GABRA5: variants seen among roughly 807,000 people sequenced by gnomAD.
GABRA5 encodes gamma-aminobutyric acid type A receptor subunit alpha5.
In GABRA5, 18 loss-of-function variants were observed where a neutral mutation model predicts 47.3. That is an observed-to-expected ratio of 0.38 (90% CI 0.26 to 0.56). The LOEUF is 0.56. Among genes scored for constraint, GABRA5 ranks in the 20% least tolerant of loss-of-function variants. The probability of loss-of-function intolerance (pLI) is 0.71; values close to 1 mark genes in which losing one functional copy is unlikely to be tolerated. For synonymous variants in GABRA5, 237 were observed against 229.3 expected (o/e 1.03, Z -0.30); for missense variants, 365 against 599.3 (o/e 0.61, Z 4.08).
intron 3 of GABRA5, among the ~76,000 whole-genome samples, chr15:26,875,653 G>C (rs1566862996): frequency 6.6e-6 from 1 of 152,122 alleles, no homozygotes; most frequent in Non-Finnish European, 1.5e-5. Flanking sequence ...CATGCTTGAT[G>C]TGTTAGGAAC....
chr15:26,920,162 T>C (rs1893810323), intron 7 of GABRA5, among the ~76,000 whole-genome samples: 1 of 152,176 alleles, frequency 6.6e-6, no homozygotes, highest in Non-Finnish European at 1.5e-5. Flanking sequence ...TTTCAGCCAT[T>C]ATTTCTTTAA....
rs1414570315 is a variant in GABRA5 at position 26,895,825 on chromosome 15, A to AG, written c.497+12268_497+12269insG. ...GCAAGACTCCGTCAAAAAAAAAAAAAAAAGAAGAAGAAGAAGAAGAAAAAG... is the reference window on the plus strand; with the variant it reads ...GCAAGACTCCGTCAAAAAAAAAAAAAGAAAGAAGAAGAAGAAGAAGAAAAAG... On this transcript the variant is annotated intron_variant, in intron 6 of 10. Coordinates refer to ENST00000335625, the MANE Select transcript of GABRA5 (RefSeq NM_000810.4). Among the ~76,000 whole-genome samples the AG allele has an allele frequency of 2.3e-3, 305 of 132,492 alleles. 1 individual carries two copies. The highest frequency in any genetic ancestry group is 8.5e-3 in the Middle Eastern group (2 of 236). The allele number at this position is 132,492 out of a possible 152,430, so 86.9% of individuals were successfully genotyped here. A position where few individuals can be genotyped will look rare whatever the true frequency, so the allele number is the denominator to read the frequency against.
At chr15:26,944,960 G>A (rs796107865) in intron 10 of GABRA5, among the ~76,000 whole-genome samples, 7 of 152,270 alleles carry the variant, frequency 4.6e-5, no homozygotes, top group Admixed American at 2.0e-4. Flanking sequence ...GGGTGTCGCC[G>A]ACACTGTCAA....
chr15:26,899,672 C>T (rs1385676510), intron 6 of GABRA5, among the ~76,000 whole-genome samples: 1 of 152,142 alleles, frequency 6.6e-6, no homozygotes, highest in African/African-American at 2.4e-5. Context: ...CACTTATTAT[C>T]ATGTAATATC....
intron 6 of GABRA5, among the ~76,000 whole-genome samples, chr15:26,891,499 C>A (rs1386722848): frequency 6.6e-6 from 1 of 152,114 alleles, no homozygotes; most frequent in Non-Finnish European, 1.5e-5. Context: ...TAGCTATGCG[C>A]GCTATTCAGC....
chr15:26,871,044 A>G (rs1187231119), intron 3 of GABRA5, among the ~76,000 whole-genome samples: 3 of 152,142 alleles, frequency 2.0e-5, no homozygotes, highest in African/African-American at 7.2e-5. Context: ...AAATACAAAG[A>G]TTAGCCAGGC....
chr15:26,919,953 G>C (rs1893804242), intron 7 of GABRA5, among the ~76,000 whole-genome samples: 2 of 132,868 alleles, frequency 1.5e-5, no homozygotes, highest in Non-Finnish European at 3.4e-5. Context: ...CAAGATTTCT[G>C]ATAAAAAAAA....
At chr15:26,892,036 C>A (rs929410763) in intron 6 of GABRA5, among the ~76,000 whole-genome samples, 5 of 152,170 alleles carry the variant, frequency 3.3e-5, no homozygotes, top group Non-Finnish European at 5.9e-5. Context: ...GAGGCAGATG[C>A]GATTAGGATT....
chr15:26,877,894 A>T (rs1892636134), intron 3 of GABRA5, among the ~76,000 whole-genome samples: 1 of 152,240 alleles, frequency 6.6e-6, no homozygotes, highest in Non-Finnish European at 1.5e-5. Flanking sequence ...AGTAATAGGG[A>T]TATAATCTCA....
At chr15:26,887,391 G>A (rs995756135) in intron 6 of GABRA5, among the ~76,000 whole-genome samples, 8 of 152,098 alleles carry the variant, frequency 5.3e-5, no homozygotes, top group African/African-American at 1.7e-4. Flanking sequence ...GGGCAGTGGC[G>A]TGATCTCGGC....
In GABRA5 at chr15:26,869,312, A is replaced by C. The variant is rs762916702; in HGVS notation, c.64A>C (p.Met22Leu). The C allele has an allele frequency of 5.0e-6, 8 of 1,605,914 alleles. No homozygotes were observed. Among genetic ancestry groups the C allele is most frequent in the Non-Finnish European group, 6.0e-6 (7 of 1,172,724 alleles). ...IKNLLLFCIS[M>L]NLSSHFGFSQ... ...AAACCTCCTTCTCTTTTGTATTTCCATGAACTTATCCAGTCACTTTGGGTA... is the reference window on the plus strand; with the variant it reads ...AAACCTCCTTCTCTTTTGTATTTCCCTGAACTTATCCAGTCACTTTGGGTA... Residue 22 changes from methionine (M) to leucine (L), a missense_variant, in exon 3 of 11, where the codon ATG (methionine) becomes CTG (leucine). Met to Leu is a conservative substitution (Grantham distance 15). Transcript: ENST00000335625.
rs138795253 is a variant in GABRA5, at chr15:26,885,973, T to C, written c.497+2416T>C. 2.0e-5 allele frequency among the ~76,000 whole-genome samples: 3 copies of C among 152,276 alleles called. No individual in the cohort carries two copies. In the East Asian group the frequency reaches 5.8e-4, roughly 29 times the overall value. The stretch of plus-strand genomic sequence containing the variant: ...TTAAATCTAATCTTACTTTAATCTT[T>C]GGGTCCAAAGCCTGAAAGGTGTACC... On this transcript the variant is annotated intron_variant, in intron 6 of 10. Coordinates refer to ENST00000335625, the MANE Select transcript of GABRA5 (RefSeq NM_000810.4).
intron 6 of GABRA5, among the ~76,000 whole-genome samples, chr15:26,901,020 A>G (rs1595411014): frequency 6.6e-6 from 1 of 152,158 alleles, no homozygotes; most frequent in African/African-American, 2.4e-5. Context: ...CCTTGGCACA[A>G]CACTGCATTA....
intron 6 of GABRA5, among the ~76,000 whole-genome samples, chr15:26,911,388 C>CACACACAA (rs1555391758): frequency 6.8e-5 from 10 of 146,652 alleles, no homozygotes; most frequent in South Asian, 2.2e-4. Flanking sequence ...CACACACACA[C>CACACACAA]ACACACACAA....
At chr15:26,925,703 G>T (rs1184352613) in intron 7 of GABRA5, among the ~76,000 whole-genome samples, 2 of 151,872 alleles carry the variant, frequency 1.3e-5, no homozygotes, top group Non-Finnish European at 2.9e-5. Context: ...TTTCTTTTAC[G>T]TATAATAATT....
Position 26,920,838 on chromosome 15 carries a change from G to C in GABRA5, c.580+5953G>C, listed in dbSNP as rs181573404. 9.9e-5 allele frequency among the ~76,000 whole-genome samples: 15 copies of C among 152,208 alleles called. No individual in the cohort carries two copies. In the East Asian group the frequency reaches 2.9e-3, roughly 29 times the overall value. On this transcript the variant is annotated intron_variant, in intron 7 of 10. Coordinates refer to ENST00000335625, the MANE Select transcript of GABRA5 (RefSeq NM_000810.4). ...GCTCCTAGGCATCTAGGGTCTGCTG[G>C]ATCCCACTAGCACTCAGAGACAAGC...
At position 26,884,268 on chromosome 15, in the gene GABRA5, A is replaced by G. The variant is rs113632091; in HGVS notation, c.497+711A>G. 7.9e-3 allele frequency among the ~76,000 whole-genome samples: 1,200 copies of G among 152,186 alleles called. 8 individuals carry two copies. Among genetic ancestry groups the G allele is most frequent in the Non-Finnish European group, 0.012 (792 of 67,980 alleles). On this transcript the variant is annotated intron_variant, in intron 6 of 10. Coordinates refer to ENST00000335625, the MANE Select transcript of GABRA5 (RefSeq NM_000810.4). ...TAGCCTTTGGAAGTTTTAAAAGCCT[A>G]TTTCTCACATGCTTGGATAACATTC...
intron 7 of GABRA5, among the ~76,000 whole-genome samples, chr15:26,922,766 C>T (rs1170098196): frequency 6.6e-6 from 1 of 152,066 alleles, no homozygotes; most frequent in African/African-American, 2.4e-5. Context: ...ACTTAATTAA[C>T]TAATTAATTA....
At chr15:26,891,687 C>T (rs1893010177) in intron 6 of GABRA5, among the ~76,000 whole-genome samples, 2 of 152,140 alleles carry the variant, frequency 1.3e-5, no homozygotes, top group Admixed American at 6.5e-5. Flanking sequence ...CAGGTCTGCG[C>T]GGCCTTGAGG....
Sources: allele counts gnomAD v4.1 joint callset (sites outside exome capture counted in the v4.1 genomes callset), GRCh38; gene constraint gnomAD v4.1.1; transcripts MANE v1.5; gene names NCBI Gene and HGNC (gene_info 2026-07-23, HGNC 2026-07-21).